SGCD: variants seen among roughly 807,000 people sequenced by gnomAD.
The protein encoded by SGCD is delta-sarcoglycan.
In SGCD, 18 loss-of-function variants were observed where a neutral mutation model predicts 36.6. The ratio of observed to expected loss-of-function variants is 0.49; its 90% confidence interval spans 0.34 to 0.73. SGCD has a LOEUF of 0.73. SGCD is among the 30% of genes least tolerant of loss of function. The pLI is 0.01. For missense variants in SGCD, 387 were observed against 346.7 expected (o/e 1.12, Z -0.92); for synonymous variants, 133 against 130.6 (o/e 1.02, Z -0.12).
chr5:155,745,967 C>T, the SGCD span, among the ~76,000 whole-genome samples: 2 of 152,274 alleles, frequency 1.3e-5, no homozygotes, highest in South Asian at 2.1e-4. Flanking sequence ...TCAGAAAATC[C>T]TCTCCTGTGT....
intron 7 of SGCD, among the ~76,000 whole-genome samples, chr5:156,678,527 G>A (rs532596416): frequency 6.6e-6 from 1 of 152,302 alleles, no homozygotes; most frequent in Non-Finnish European, 1.5e-5. Flanking sequence ...ACATCATCCA[G>A]AAGTGAAATT....
At chr5:156,119,647 C>G (rs1761986880) in intron 2 of SGCD, among the ~76,000 whole-genome samples, 1 of 152,088 alleles carries the variant, frequency 6.6e-6, no homozygotes, top group African/African-American at 2.4e-5. Flanking sequence ...CCCCAGCACA[C>G]TTCTGCTCAA....
At chr5:156,174,559 A>G (rs1188099865) in intron 3 of SGCD, among the ~76,000 whole-genome samples, 1 of 152,236 alleles carries the variant, frequency 6.6e-6, no homozygotes, top group East Asian at 1.9e-4. Flanking sequence ...TATTTCATCC[A>G]GGTTCCCAAG....
chr5:156,367,798 G>T (rs574240655), intron 3 of SGCD, among the ~76,000 whole-genome samples: 1 of 152,292 alleles, frequency 6.6e-6, no homozygotes, highest in Admixed American at 6.5e-5. Flanking sequence ...CTGTGGTTGT[G>T]TTGTAAGCTA....
the SGCD span, among the ~76,000 whole-genome samples, chr5:155,735,801 G>A: frequency 6.6e-6 from 1 of 152,172 alleles, no homozygotes; most frequent in Non-Finnish European, 1.5e-5. Flanking sequence ...GCAGGTCCTA[G>A]CCCATAAGGT....
At chr5:156,674,009 A>G (rs553949348) in intron 7 of SGCD, among the ~76,000 whole-genome samples, 14 of 152,328 alleles carry the variant, frequency 9.2e-5, no homozygotes, top group Admixed American at 3.3e-4. Context: ...AAATGATGAA[A>G]ATGCCATTCA....
intron 1 of SGCD, among the ~76,000 whole-genome samples, chr5:155,951,812 A>T (rs147666331): frequency 9.2e-5 from 14 of 152,238 alleles, no homozygotes; most frequent in African/African-American, 2.9e-4. Flanking sequence ...ATGGATTGGG[A>T]TCCTTTCTAT....
At chr5:156,285,195 C>T (rs1581218267) in intron 3 of SGCD, among the ~76,000 whole-genome samples, 1 of 152,182 alleles carries the variant, frequency 6.6e-6, no homozygotes, top group Non-Finnish European at 1.5e-5. Flanking sequence ...AATGGAAGAA[C>T]ATTCCATGCT....
the SGCD span, among the ~76,000 whole-genome samples, chr5:155,827,316 G>A: frequency 6.6e-6 from 1 of 152,124 alleles, no homozygotes. Context: ...TGGCAGCCCT[G>A]GTGCATCCAC....
intron 1 of SGCD, among the ~76,000 whole-genome samples, chr5:155,955,899 C>T (rs1483817789): frequency 6.6e-6 from 1 of 152,114 alleles, no homozygotes; most frequent in Non-Finnish European, 1.5e-5. Context: ...CCTCAAACAG[C>T]TTACTGAGTT....
At chr5:155,921,522 A>G (rs548235383) in intron 1 of SGCD, among the ~76,000 whole-genome samples, 1 of 152,120 alleles carries the variant, frequency 6.6e-6, no homozygotes, top group Non-Finnish European at 1.5e-5. Flanking sequence ...TAGTGGGCTG[A>G]GACTCTGGAA....
intron 3 of SGCD, among the ~76,000 whole-genome samples, chr5:156,445,431 GA>G (rs1435333076): frequency 6.6e-6 from 1 of 151,950 alleles, no homozygotes; most frequent in Non-Finnish European, 1.5e-5. Flanking sequence ...TGAGGATGAG[GA>G]AAAAATGGGA....
chr5:156,705,213 A>G (rs1464276483), intron 7 of SGCD, among the ~76,000 whole-genome samples: 1 of 152,224 alleles, frequency 6.6e-6, no homozygotes, highest in East Asian at 1.9e-4. Flanking sequence ...TTTTTATTAC[A>G]ATTTTATAAG....
intron 1 of SGCD, among the ~76,000 whole-genome samples, chr5:155,957,706 A>C (rs1467149931): frequency 6.6e-6 from 1 of 152,098 alleles, no homozygotes; most frequent in Non-Finnish European, 1.5e-5. Flanking sequence ...TTGTGATTAC[A>C]TTGGGCCCAT....
chr5:156,597,996 T>C (rs1172695454), intron 6 of SGCD, among the ~76,000 whole-genome samples: 2 of 152,142 alleles, frequency 1.3e-5, no homozygotes, highest in African/African-American at 4.8e-5. Flanking sequence ...ATACTTGCTG[T>C]GGCCTCTATC....
chr5:156,252,603 G>T (rs1403640734), intron 3 of SGCD, among the ~76,000 whole-genome samples: 1 of 152,108 alleles, frequency 6.6e-6, no homozygotes, highest in Non-Finnish European at 1.5e-5. Context: ...CGTGAGTGTT[G>T]TTCAAACTTT....
intron 3 of SGCD, among the ~76,000 whole-genome samples, chr5:156,380,255 G>A (rs985595527): frequency 3.3e-5 from 5 of 152,136 alleles, no homozygotes; most frequent in African/African-American, 1.2e-4. Context: ...ACAAGTTAAT[G>A]TACTGCACAC....
intron 4 of SGCD, among the ~76,000 whole-genome samples, chr5:156,516,226 C>A (rs915634302): frequency 2.6e-5 from 4 of 152,266 alleles, no homozygotes; most frequent in South Asian, 2.1e-4. Context: ...GTGAGACCCC[C>A]CACACACACA....
chr5:156,741,763 T>A (rs1756685360), intron 7 of SGCD, among the ~76,000 whole-genome samples: 1 of 152,194 alleles, frequency 6.6e-6, no homozygotes, highest in Non-Finnish European at 1.5e-5. Context: ...GCAATCTACA[T>A]GGTGAATTGG....
Sources: gnomAD v4.1 joint callset for allele counts (sites outside exome capture counted in the v4.1 genomes callset) on GRCh38, gnomAD v4.1.1 for gene constraint, MANE v1.5 for transcripts, NCBI Gene and HGNC (gene_info 2026-07-23, HGNC 2026-07-21) for gene names.